The following CACNA1E variants were observed in gnomAD, a reference collection of about 807,000 sequenced individuals.
CACNA1E encodes the protein calcium voltage-gated channel subunit alpha1 E, also known as voltage-dependent R-type calcium channel subunit alpha-1E.
Under a neutral mutation model 259.2 loss-of-function variants are expected in CACNA1E, and 40 were observed. That is an observed-to-expected ratio of 0.15 (90% CI 0.12 to 0.20). CACNA1E has a LOEUF of 0.20. CACNA1E is among the 10% of genes least tolerant of loss of function. The pLI is 1.00. For synonymous variants in CACNA1E, 1,104 were observed against 1,138.5 expected (o/e 0.97, Z 0.61); for missense variants, 1,874 against 3,040.1 (o/e 0.62, Z 9.02).
At chr1:181,502,821 C>T (rs1665372431) in intron 1 of CACNA1E, among the ~76,000 whole-genome samples, 1 of 152,178 alleles carries the variant, frequency 6.6e-6, no homozygotes, top group Non-Finnish European at 1.5e-5. Flanking sequence ...GCCTCAGCCT[C>T]CTAAGTAGCT....
At chr1:181,477,134 C>T (rs769891093) in intron 2 of CACNA1E, among the ~76,000 whole-genome samples, 7 of 152,126 alleles carry the variant, frequency 4.6e-5, no homozygotes, top group African/African-American at 7.2e-5. Context: ...TAACTCCATG[C>T]ATCTTGTGTA....
intron 25 of CACNA1E, 91 bp from the exon 26 acceptor site, chr1:181,750,385 T>C: frequency 8.9e-7 from 1 of 1,119,448 alleles, no homozygotes; most frequent in Non-Finnish European, 1.3e-6. Flanking sequence ...CCTGAAGTGT[T>C]CTGACTGTCT....
chr1:181,402,540 G>A (rs1657177064), intron 1 of CACNA1E, among the ~76,000 whole-genome samples: 1 of 152,190 alleles, frequency 6.6e-6, no homozygotes, highest in Admixed American at 6.5e-5. Flanking sequence ...GCTTGGAGAG[G>A]CCCAGGACTG....
At chr1:181,597,335 A>C (rs1039560469) in intron 6 of CACNA1E, among the ~76,000 whole-genome samples, 2 of 152,198 alleles carry the variant, frequency 1.3e-5, no homozygotes, top group Non-Finnish European at 2.9e-5. Context: ...TCTTGTTTAC[A>C]ATGGCTTCAG....
chr1:181,540,067 C>G (rs1163967771), intron 3 of CACNA1E, among the ~76,000 whole-genome samples: 3 of 152,274 alleles, frequency 2.0e-5, no homozygotes, highest in East Asian at 3.9e-4. Flanking sequence ...GTGTGACATC[C>G]TGTTGTGTGC....
intron 2 of CACNA1E, among the ~76,000 whole-genome samples, chr1:181,478,023 T>A (rs1458023893): frequency 6.6e-6 from 1 of 152,226 alleles, no homozygotes; most frequent in East Asian, 1.9e-4. Flanking sequence ...ACATGCAGTA[T>A]GTTAATAATG....
intron 42 of CACNA1E, 51 bp downstream of exon 42, chr1:181,785,469 G>A (rs976753529): frequency 7.9e-7 from 1 of 1,267,094 alleles, no homozygotes; most frequent in Non-Finnish European, 1.1e-6. Flanking sequence ...GGAGTTGCAG[G>A]AGGGAATAGG....
chr1:181,783,307 C>G (rs1660579418), intron 39 of CACNA1E, among the ~76,000 whole-genome samples: 1 of 152,148 alleles, frequency 6.6e-6, no homozygotes, highest in Admixed American at 6.5e-5. Flanking sequence ...GGAAATGGAG[C>G]CACCTCCCCG....
chr1:181,379,207 T>C (rs1655299013), intron 1 of CACNA1E, among the ~76,000 whole-genome samples: 1 of 152,078 alleles, frequency 6.6e-6, no homozygotes, highest in African/African-American at 2.4e-5. Context: ...GAACAGAGCA[T>C]TAGTAAGCTG....
rs370619157 is a variant in CACNA1E, at chr1:181,598,883, G to A, written c.951+18107G>A. Among the ~76,000 whole-genome samples the A allele has an allele frequency of 7.3e-5, 11 of 150,426 alleles. No individual in the cohort carries two copies. In the East Asian group the frequency reaches 1.9e-3, roughly 27 times the overall value. On this transcript the variant is annotated intron_variant, in intron 6 of 47. Coordinates refer to ENST00000367573, the MANE Select transcript of CACNA1E (RefSeq NM_001205293.3). The stretch of plus-strand genomic sequence containing the variant: ...GTTCCCTTCACCATGACTGCTAGCC[G>A]TCTAGGCTCTTTCCTGCTTCCTGGC...
chr1:181,505,719 G>T, intron 1 of CACNA1E, among the ~76,000 whole-genome samples: 1 of 151,802 alleles, frequency 6.6e-6, no homozygotes, highest in East Asian at 1.9e-4. Context: ...CATGTATGCT[G>T]GTTTATTTTC....
chr1:181,572,277 G>T (rs1650492849), intron 3 of CACNA1E, among the ~76,000 whole-genome samples: 1 of 152,170 alleles, frequency 6.6e-6, no homozygotes, highest in African/African-American at 2.4e-5. Flanking sequence ...GGTTCTCATT[G>T]CCCAGAGCAT....
chr1:181,481,138 C>A (rs772455415), upstream of CACNA1E, among the ~76,000 whole-genome samples: 8 of 152,082 alleles, frequency 5.3e-5, no homozygotes, highest in Admixed American at 1.3e-4. Flanking sequence ...CAGAAGAGGA[C>A]CCTCTGATTA....
intron 27 of CACNA1E, among the ~76,000 whole-genome samples, chr1:181,753,908 G>T (rs887318899): frequency 6.6e-6 from 1 of 152,154 alleles, no homozygotes; most frequent in Non-Finnish European, 1.5e-5. Context: ...GGCCCACCGC[G>T]TGGGTTCCCA....
chr1:181,487,111 T>G (rs1288049970), intron 1 of CACNA1E, among the ~76,000 whole-genome samples: 1 of 152,140 alleles, frequency 6.6e-6, no homozygotes, highest in African/African-American at 2.4e-5. Context: ...TTTGCACATT[T>G]AGCATGCTTG....
At chr1:181,757,664 A>G (rs918179956) in intron 30 of CACNA1E, among the ~76,000 whole-genome samples, 2 of 152,242 alleles carry the variant, frequency 1.3e-5, no homozygotes, top group African/African-American at 4.8e-5. Context: ...AAGGACATCA[A>G]GGAAGGATTC....
intron 2 of CACNA1E, among the ~76,000 whole-genome samples, chr1:181,438,268 C>T (rs1660222791): frequency 6.6e-6 from 1 of 152,178 alleles, no homozygotes; most frequent in South Asian, 2.1e-4. Flanking sequence ...GAGTTTTGGT[C>T]TCATAATGGC....
chr1:181,651,197 C>CT (rs1558228524), intron 6 of CACNA1E, 141 bp from the exon 7 acceptor site: 1 of 593,026 alleles, frequency 1.7e-6, no homozygotes, highest in African/African-American at 1.9e-5. Context: ...CACGGTAATA[C>CT]CAAATTGGGA....
chr1:181,707,413 A>G (rs1652896747), intron 7 of CACNA1E, among the ~76,000 whole-genome samples: 1 of 152,086 alleles, frequency 6.6e-6, no homozygotes, highest in African/African-American at 2.4e-5. Context: ...AGAGCAGGGA[A>G]CCCAGCGAGT....
Sources: gnomAD v4.1 joint callset for allele counts (sites outside exome capture counted in the v4.1 genomes callset) on GRCh38, gnomAD v4.1.1 for gene constraint, MANE v1.5 for transcripts, NCBI Gene and HGNC (gene_info 2026-07-23, HGNC 2026-07-21) for gene names.